Variants in MEI4 observed in about 807,000 individuals in gnomAD.
MEI4 encodes meiotic double-stranded break formation protein 4.
Under a neutral mutation model 31.4 loss-of-function variants are expected in MEI4, and 27 were observed. The ratio of observed to expected loss-of-function variants is 0.86; its 90% CI spans 0.63 to 1.19. The LOEUF (loss-of-function observed/expected upper bound fraction) is 1.19. Ranked by LOEUF, MEI4 falls within the 50% of genes most tolerant of loss-of-function variation. MEI4 has a pLI of 0.00. For missense variants in MEI4, 329 were observed against 398.9 expected, an observed-to-expected ratio of 0.82 and a Z score of 1.49; for synonymous variants, 122 against 145.4, an observed-to-expected ratio of 0.84 and a Z score of 1.16.
chr6:77,900,161 G>T (rs1466784586), intron 4 of MEI4, among the ~76,000 whole-genome samples: 1 of 151,990 alleles, frequency 6.6e-6, no homozygotes, highest in Non-Finnish European at 1.5e-5. Context: ...TGGCAAGGAT[G>T]CAGAGTAAAG....
chr6:77,838,560 T>C (rs951371421), intron 4 of MEI4, among the ~76,000 whole-genome samples: 11 of 152,164 alleles, frequency 7.2e-5, no homozygotes, highest in African/African-American at 2.7e-4. Context: ...CACTACAATC[T>C]ATCATTCTCA....
At chr6:77,915,661 C>T (rs1268317665) in intron 4 of MEI4, among the ~76,000 whole-genome samples, 2 of 151,886 alleles carry the variant, frequency 1.3e-5, no homozygotes, top group Non-Finnish European at 2.9e-5. Context: ...GTTATATCTT[C>T]TTTCTAATTG....
At chr6:77,746,106 G>A (rs1480335064) in intron 2 of MEI4, among the ~76,000 whole-genome samples, 1 of 152,058 alleles carries the variant, frequency 6.6e-6, no homozygotes, top group Non-Finnish European at 1.5e-5. Context: ...CAGAAGGCAA[G>A]GAATAACTAA....
intron 2 of MEI4, among the ~76,000 whole-genome samples, chr6:77,747,499 C>T (rs1194641196): frequency 2.0e-5 from 3 of 152,050 alleles, no homozygotes; most frequent in Non-Finnish European, 4.4e-5. Context: ...GGGGGAAGAG[C>T]CCCTTATAAA....
chr6:77,663,108 A>G (rs1768544230), intron 1 of MEI4, among the ~76,000 whole-genome samples: 1 of 152,280 alleles, frequency 6.6e-6, no homozygotes, highest in Non-Finnish European at 1.5e-5. Context: ...GTTTGGCACC[A>G]TGGGGTGGAT....
chr6:77,842,764 G>A (rs998875388), intron 4 of MEI4, among the ~76,000 whole-genome samples: 2 of 151,994 alleles, frequency 1.3e-5, no homozygotes, highest in Non-Finnish European at 2.9e-5. Flanking sequence ...CATTGCAGGT[G>A]TTAAGAGGAT....
chr6:77,828,760 G>C (rs1187443143), intron 3 of MEI4, among the ~76,000 whole-genome samples, 171 bp from the exon 4 acceptor site: 1 of 152,046 alleles, frequency 6.6e-6, no homozygotes, highest in Non-Finnish European at 1.5e-5. Flanking sequence ...GAAAATCTTA[G>C]AGCCTAGAAT....
intron 4 of MEI4, among the ~76,000 whole-genome samples, chr6:77,835,294 A>C (rs1056057040): frequency 6.7e-6 from 1 of 149,086 alleles, no homozygotes; most frequent in Non-Finnish European, 1.5e-5. Context: ...CAGGTGGAGG[A>C]GGTTGTTGTG....
chr6:77,798,827 A>G (rs1263880721), intron 3 of MEI4, among the ~76,000 whole-genome samples: 2 of 151,738 alleles, frequency 1.3e-5, no homozygotes, highest in Admixed American at 1.3e-4. Context: ...TGAACTCATC[A>G]TTTTTTATGG....
intron 3 of MEI4, among the ~76,000 whole-genome samples, chr6:77,819,136 G>A (rs1273724464): frequency 6.6e-6 from 1 of 152,084 alleles, no homozygotes; most frequent in African/African-American, 2.4e-5. Context: ...GGTATAAAGT[G>A]ATATGTTAAT....
At chr6:77,837,930 G>A (rs190899532) in intron 4 of MEI4, among the ~76,000 whole-genome samples, 13 of 152,080 alleles carry the variant, frequency 8.5e-5, no homozygotes, top group Admixed American at 2.6e-4. Flanking sequence ...ATCGTTTTAA[G>A]CCTCAGTTTA....
intron 2 of MEI4, among the ~76,000 whole-genome samples, chr6:77,743,454 T>G (rs1040451840): frequency 6.6e-6 from 1 of 152,120 alleles, no homozygotes; most frequent in Admixed American, 6.5e-5. Context: ...ATGCTTGTGA[T>G]TTTTGTACAT....
intron 3 of MEI4, among the ~76,000 whole-genome samples, chr6:77,823,038 G>A (rs1769864751): frequency 6.6e-6 from 1 of 152,114 alleles, no homozygotes; most frequent in Admixed American, 6.6e-5. Context: ...TGTAATGAAT[G>A]AATGAATACA....
intron 3 of MEI4, among the ~76,000 whole-genome samples, chr6:77,795,910 G>T (rs930581944): frequency 2.6e-5 from 4 of 152,108 alleles, no homozygotes; most frequent in African/African-American, 9.7e-5. Context: ...ATTTTATGAG[G>T]ACAGCGTTAC....
At chr6:77,821,508 G>A (rs1406502921) in intron 3 of MEI4, among the ~76,000 whole-genome samples, 3 of 151,892 alleles carry the variant, frequency 2.0e-5, no homozygotes, top group African/African-American at 7.2e-5. Context: ...TATTAATAGT[G>A]CTACTGGCCG....
chr6:77,755,172 G>GA (rs146876698), intron 2 of MEI4, among the ~76,000 whole-genome samples: 3,428 of 150,956 alleles, frequency 0.023, 131 homozygotes, highest in African/African-American at 0.078. Context: ...ACAGTGTCCT[G>GA]AAAAAAAAGA....
At chr6:77,755,701 T>C (rs1316713289) in intron 2 of MEI4, among the ~76,000 whole-genome samples, 1 of 152,052 alleles carries the variant, frequency 6.6e-6, no homozygotes, top group Non-Finnish European at 1.5e-5. Context: ...TATTATAATG[T>C]TTAATTGATA....
chr6:77,727,916 A>G (rs189906553), intron 2 of MEI4, among the ~76,000 whole-genome samples: 14 of 148,782 alleles, frequency 9.4e-5, no homozygotes, highest in Admixed American at 9.4e-4. Flanking sequence ...ATCGTAACAG[A>G]TGTACATTAG....
intron 3 of MEI4, among the ~76,000 whole-genome samples, chr6:77,815,297 A>G (rs560403516): frequency 6.6e-6 from 1 of 152,106 alleles, no homozygotes; most frequent in Non-Finnish European, 1.5e-5. Context: ...AATATCCGAG[A>G]TCCATGTTAT....
Sources: gnomAD v4.1 joint callset for allele counts (sites outside exome capture counted in the v4.1 genomes callset) on GRCh38, gnomAD v4.1.1 for gene constraint, MANE v1.5 for transcripts, NCBI Gene and HGNC (gene_info 2026-07-23, HGNC 2026-07-21) for gene names.